The following USH2A variants were observed in gnomAD, a reference collection of about 807,000 sequenced individuals.
USH2A encodes the protein Usher syndrome 2A (autosomal recessive, mild).
USH2A carries 443 observed loss-of-function variants against 538.9 expected under a neutral mutation model. The observed-to-expected ratio is 0.82, with a 90% confidence interval of 0.76 to 0.89. USH2A has a LOEUF of 0.89. USH2A is among the 40% of genes least tolerant of loss of function. The pLI, the probability that USH2A is intolerant of heterozygous loss-of-function variation, is 0.00. For synonymous variants in USH2A, 2,413 were observed against 2,273.5 expected (o/e 1.06, Z -1.75); for missense variants, 6,633 against 6,324.8 (o/e 1.05, Z -1.65).
intron 30 of USH2A, among the ~76,000 whole-genome samples, chr1:216,055,569 T>C (rs1260877939): frequency 6.6e-6 from 1 of 152,234 alleles, no homozygotes; most frequent in Non-Finnish European, 1.5e-5. Flanking sequence ...AATAAAGTTC[T>C]AACACAGACA....
chr1:216,253,674 C>G (rs2036206688), intron 11 of USH2A, among the ~76,000 whole-genome samples: 1 of 152,208 alleles, frequency 6.6e-6, no homozygotes, highest in South Asian at 2.1e-4. Flanking sequence ...TTTCTGGCTT[C>G]TGCCAGCACT....
intron 16 of USH2A, 75 bp downstream of exon 16, chr1:216,207,197 TC>T: frequency 1.3e-6 from 2 of 1,569,240 alleles, no homozygotes; most frequent in Non-Finnish European, 1.8e-6. Context: ...ACAGCATTTA[TC>T]CTCAATGTCA....
chr1:215,693,521 G>A (rs998223523), intron 61 of USH2A, among the ~76,000 whole-genome samples: 2 of 152,164 alleles, frequency 1.3e-5, no homozygotes, highest in African/African-American at 4.8e-5. Context: ...AAATGTACTT[G>A]TGAAGTGTAT....
chr1:215,900,106 A>G lies in USH2A; in HGVS notation c.7563T>C (p.Ser2521=), dbSNP rs750813667. The G allele has an allele frequency of 6.2e-7, 1 of 1,613,790 alleles. No individual in the cohort carries two copies. The change falls in exon 40 of 72, where the codon AGT becomes AGC. Residue 2521 remains serine, a synonymous_variant. Transcript: ENST00000307340. ...VASNGFGSAH[S]SWIPFMTAED... is the part of the protein sequence containing the mutation. Reference sequence around the variant, plus strand: ...CTGCGGTCATGAATGGAATCCAAGAACTATGTGCACTGCCAAATCCATTGG... The same window carrying G: ...CTGCGGTCATGAATGGAATCCAAGAGCTATGTGCACTGCCAAATCCATTGG...
chr1:216,402,650 A>G lies in USH2A; in HGVS notation c.651+15864T>C, dbSNP rs1437570716. ...TTTCTCTATTTAATTATAAGAATAC[A>G]GCACGTAAAACATATAACATGCAAA... On this transcript the variant is annotated intron_variant, in intron 3 of 71. Coordinates refer to ENST00000307340, the MANE Select transcript of USH2A (RefSeq NM_206933.4). Among the ~76,000 whole-genome samples, 6 of 152,312 alleles carry G rather than the reference A, an allele frequency of 3.9e-5. No individual in the cohort carries two copies. In the South Asian group the frequency reaches 1.2e-3, roughly 32 times the overall value.
At chr1:216,237,416 A>T (rs542945514) in intron 13 of USH2A, among the ~76,000 whole-genome samples, 1 of 151,972 alleles carries the variant, frequency 6.6e-6, no homozygotes, top group East Asian at 1.9e-4. Context: ...TATTTAGAAA[A>T]AGTTCCACTC....
chr1:216,277,179 T>C (rs963510983), intron 11 of USH2A, among the ~76,000 whole-genome samples: 2 of 152,174 alleles, frequency 1.3e-5, no homozygotes, highest in African/African-American at 4.8e-5. Context: ...CTATGATCCC[T>C]CAGCATCTTC....
At chr1:215,848,779 A>G (rs553022337) in intron 44 of USH2A, among the ~76,000 whole-genome samples, 8 of 152,352 alleles carry the variant, frequency 5.3e-5, no homozygotes, top group Admixed American at 3.9e-4. Flanking sequence ...AGTCCAAAAC[A>G]TAGAAAAATG....
At position 215,970,830 on chromosome 1, in the gene USH2A, G is replaced by A. The variant is rs1667478988; in HGVS notation, c.6806-54C>T. 2.5e-6 allele frequency: 4 copies of A among 1,573,914 alleles called. No individual in the cohort carries two copies. In the East Asian group the frequency reaches 9.0e-5, roughly 35 times the overall value. Reference sequence around the variant, plus strand: ...TGACTACTAGACAATAGCAAAGAAGGTCTTAAGAAAGCAAGCACTCTTGAT... The same window carrying A: ...TGACTACTAGACAATAGCAAAGAAGATCTTAAGAAAGCAAGCACTCTTGAT... On this transcript the variant is annotated intron_variant, in intron 35 of 71. Coordinates refer to ENST00000307340, the MANE Select transcript of USH2A (RefSeq NM_206933.4).
chr1:215,728,727 T>A (rs1659905787), intron 60 of USH2A, among the ~76,000 whole-genome samples: 1 of 152,162 alleles, frequency 6.6e-6, no homozygotes, highest in East Asian at 1.9e-4. Context: ...ATCTTCCAGA[T>A]GTTTTTGCTG....
At chr1:215,951,730 G>T (rs1441243205) in intron 37 of USH2A, among the ~76,000 whole-genome samples, 1 of 152,118 alleles carries the variant, frequency 6.6e-6, no homozygotes, top group Admixed American at 6.6e-5. Flanking sequence ...TTATTAATCT[G>T]GGTGCTCCTG....
intron 21 of USH2A, among the ~76,000 whole-genome samples, chr1:216,129,174 T>C (rs752846563): frequency 3.9e-5 from 6 of 152,236 alleles, no homozygotes; most frequent in South Asian, 2.1e-4. Flanking sequence ...TTAGTTTGAC[T>C]CCATATCTTG....
At chr1:216,408,861 G>A (rs2039436974) in intron 3 of USH2A, among the ~76,000 whole-genome samples, 1 of 152,098 alleles carries the variant, frequency 6.6e-6, no homozygotes, top group African/African-American at 2.4e-5. Flanking sequence ...AGAAGCTGCT[G>A]GACAAAGGGA....
At chr1:216,342,517 A>G (rs905661643) in intron 4 of USH2A, among the ~76,000 whole-genome samples, 44 of 152,102 alleles carry the variant, frequency 2.9e-4, no homozygotes, top group Non-Finnish European at 7.4e-5. Flanking sequence ...AAATTATTCT[A>G]CTAGAAAGAC....
chr1:215,799,814 CA>C (rs1662268332), intron 49 of USH2A, among the ~76,000 whole-genome samples: 1 of 151,836 alleles, frequency 6.6e-6, no homozygotes. Context: ...GGTGAAACCC[CA>C]TCTCTACTAA....
intron 70 of USH2A, among the ~76,000 whole-genome samples, chr1:215,631,090 CCATT>C (rs1383140725): frequency 2.6e-5 from 4 of 152,170 alleles, no homozygotes; most frequent in Non-Finnish European, 4.4e-5. Context: ...CTATTTCTCT[CCATT>C]CAGAGTATAG....
chr1:216,138,124 C>T (rs558309504), intron 21 of USH2A, among the ~76,000 whole-genome samples: 1 of 151,926 alleles, frequency 6.6e-6, no homozygotes, highest in South Asian at 2.1e-4. Flanking sequence ...ATATATAAAC[C>T]ATATGTAAAA....
At chr1:215,859,113 C>T (rs544360888) in intron 44 of USH2A, among the ~76,000 whole-genome samples, 6 of 152,106 alleles carry the variant, frequency 3.9e-5, no homozygotes, top group South Asian at 2.1e-4. Flanking sequence ...CTTATGAAAT[C>T]GAGGTCCCAC....
chr1:216,328,885 T>G (rs2037790199), intron 4 of USH2A, among the ~76,000 whole-genome samples: 3 of 152,120 alleles, frequency 2.0e-5, no homozygotes, highest in Admixed American at 6.5e-5. Flanking sequence ...AATAATATAT[T>G]TGAGAAAATA....
Sources: gnomAD v4.1 joint callset for allele counts (sites outside exome capture counted in the v4.1 genomes callset) on GRCh38, gnomAD v4.1.1 for gene constraint, MANE v1.5 for transcripts, NCBI Gene and HGNC (gene_info 2026-07-23, HGNC 2026-07-21) for gene names.